The following HOXB9 variants were observed in gnomAD, a reference collection of about 807,000 sequenced individuals.
The protein encoded by HOXB9 is homeobox protein Hox-B9.
In HOXB9, 10 loss-of-function variants were observed where a neutral mutation model predicts 21.5. The ratio of observed to expected loss-of-function variants is 0.47; its 90% CI spans 0.29 to 0.79. HOXB9 has a LOEUF of 0.79. HOXB9 is among the 30% of genes least tolerant of loss of function. HOXB9 has a pLI of 0.10. For synonymous variants in HOXB9, 156 were observed against 151.2 expected, an observed-to-expected ratio of 1.03 and a Z score of -0.23; for missense variants, 375 against 338.7, an observed-to-expected ratio of 1.11 and a Z score of -0.84.
At chr17:48,625,183 C>A (rs761234755) in intron 1 of HOXB9, among the ~76,000 whole-genome samples, 3 of 152,286 alleles carry the variant, frequency 2.0e-5, no homozygotes, top group Non-Finnish European at 4.4e-5. Flanking sequence ...GCGGACTCTG[C>A]GCGGCTACAG....
chr17:48,625,733 C>T lies in HOXB9; in HGVS notation c.517+20G>A, dbSNP rs201721789. On this transcript the variant is annotated intron_variant, in intron 1 of 1. Transcript: ENST00000311177. Reference sequence around the variant, plus strand: ...CTCCTGGCCTTCGGCCTGGGTATTTCCTCACTTTTTATAACTTACTTTGAT... The same window carrying T: ...CTCCTGGCCTTCGGCCTGGGTATTTTCTCACTTTTTATAACTTACTTTGAT... 1,005 of 1,504,880 alleles carry T rather than the reference C, an allele frequency of 6.7e-4. 1 individual carries two copies. The highest frequency in any genetic ancestry group is 8.8e-4 in the Middle Eastern group (4 of 4,570). 93.2% of individuals were successfully genotyped at this position (1,504,880 alleles called of 1,614,324 possible).
In HOXB9 at chr17:48,622,858, G is replaced by A. The variant is rs925360597; in HGVS notation, c.*42C>T. 1 of 1,432,046 alleles carries A rather than the reference G, an allele frequency of 7.0e-7. No homozygotes were observed. The highest frequency in any genetic ancestry group is 9.8e-7 in the Non-Finnish European group (1 of 1,019,196). 88.7% of individuals were successfully genotyped at this position (1,432,046 alleles called of 1,614,324 possible). A position where few individuals can be genotyped will look rare whatever the true frequency, so the allele number is the denominator to read the frequency against. On this transcript the variant is annotated 3_prime_UTR_variant, in exon 2 of 2. Transcript: ENST00000311177. ...GCAGTCGTCACATAACTAAGAGTGA[G>A]ATGGGGAAGAGCTAGGGAGGACTGG...
At chr17:48,625,395 C>G (rs1291080096) in intron 1 of HOXB9, among the ~76,000 whole-genome samples, 1 of 152,186 alleles carries the variant, frequency 6.6e-6, no homozygotes, top group Admixed American at 6.5e-5. Flanking sequence ...CCGCTGGCCC[C>G]GGCCCCCGCC....
intron 1 of HOXB9, among the ~76,000 whole-genome samples, chr17:48,625,074 G>T (rs879699998): frequency 6.6e-6 from 1 of 152,258 alleles, no homozygotes. Flanking sequence ...GGAGGAGAGG[G>T]GCCACCGGAG....
Position 48,622,537 on chromosome 17 carries a change from G to C in HOXB9, c.*363C>G, listed in dbSNP as rs2070778888. 1 of 222,560 alleles carries C rather than the reference G, an allele frequency of 4.5e-6. No individual in the cohort carries two copies. The highest frequency in any genetic ancestry group is 8.9e-6 in the Non-Finnish European group (1 of 112,058). 13.8% of individuals were successfully genotyped at this position (222,560 alleles called of 1,614,324 possible). Reference sequence around the variant, plus strand: ...TTGGAGTGTCCCTGGGTGACTTTTGGGTGGGTGTAGAGAAGAAACAGGCAA... The same window carrying C: ...TTGGAGTGTCCCTGGGTGACTTTTGCGTGGGTGTAGAGAAGAAACAGGCAA... On this transcript the variant is annotated 3_prime_UTR_variant, in exon 2 of 2. Coordinates refer to ENST00000311177, the MANE Select transcript of HOXB9 (RefSeq NM_024017.5).
chr17:48,625,976 C>G lies in HOXB9; in HGVS notation c.294G>C (p.Trp98Cys), dbSNP rs2070811638. ...PPAESRYLRT[W>C]LEPAPRGEAA... The stretch of plus-strand genomic sequence containing the variant: ...CTTCGCCGCGCGGCGCCGGCTCCAG[C>G]CAGGTGCGGAGGTACCTGCTCTCGG... Residue 98 changes from tryptophan (W) to cysteine (C), a missense_variant, in exon 1 of 2, where the codon TGG becomes TGC. Trp to Cys is a radical substitution (Grantham distance 215, BLOSUM62 -2). Coordinates refer to ENST00000311177, the MANE Select transcript of HOXB9 (RefSeq NM_024017.5). 13 of 1,513,998 alleles carry G rather than the reference C, an allele frequency of 8.6e-6. No individual in the cohort carries two copies. Among genetic ancestry groups the G allele is most frequent in the Non-Finnish European group, 1.1e-5 (13 of 1,140,110 alleles). The allele number at this position is 1,513,998 out of a possible 1,614,324, so 93.8% of individuals were successfully genotyped here.
Position 48,626,271 on chromosome 17 carries a change from C to T in HOXB9, c.-2G>A. On this transcript the variant is annotated 5_prime_UTR_variant, in exon 1 of 2. Transcript: ENST00000311177. The stretch of plus-strand genomic sequence containing the variant: ...GCTAAGCGTCCCAGAAATGGACATT[C>T]TCAGACATTATCCGGGCGCTTGCAG... 6.3e-7 allele frequency: 1 copy of T among 1,582,912 alleles called. No homozygotes were observed. The highest frequency in any genetic ancestry group is 1.1e-5 in the South Asian group (1 of 90,252).
Position 48,626,033 on chromosome 17 carries a change from G to A in HOXB9, c.237C>T (p.His79=), listed in dbSNP as rs1393627658. ...HASGSLPSVY[H]PYIQPQGVPP... is the part of the protein sequence containing the mutation. Reference sequence around the variant, plus strand: ...GGACGCCCTGGGGCTGGATGTAAGGGTGGTAGACGGACGGCAGGCTCCCGG... The same window carrying A: ...GGACGCCCTGGGGCTGGATGTAAGGATGGTAGACGGACGGCAGGCTCCCGG... The change falls in exon 1 of 2, where the codon CAC becomes CAT. Residue 79 remains histidine, a synonymous_variant. Transcript: ENST00000311177. 1 of 1,578,258 alleles carries A rather than the reference G, an allele frequency of 6.3e-7. No homozygotes were observed. The highest frequency in any genetic ancestry group is 1.3e-5 in the African/African-American group (1 of 74,850).
In HOXB9 at chr17:48,622,990, G is replaced by A. The variant is rs150997786; in HGVS notation, c.663C>T (p.Leu221=). 15,046 of 1,614,220 alleles carry A rather than the reference G, an allele frequency of 9.3e-3. 84 individuals are homozygous for A. The highest frequency in any genetic ancestry group is 0.011 in the Non-Finnish European group (13,443 of 1,180,026). ...TRDRRHEVAR[L]LNLSERQVKI... is the part of the protein sequence containing the mutation. ...TGACTTGTCTCTCACTCAGATTGAG[G>A]AGTCTGGCCACTTCGTGCCTACGGT... Residue 221 remains leucine (L), a synonymous_variant, in exon 2 of 2, where the codon CTC becomes CTT. Transcript: ENST00000311177.
chr17:48,624,848 G>C (rs557155396), intron 1 of HOXB9, among the ~76,000 whole-genome samples: 1 of 152,128 alleles, frequency 6.6e-6, no homozygotes, highest in African/African-American at 2.4e-5. Context: ...GGAGGTGACG[G>C]GAAACTACCC....
At chr17:48,623,719 C>G (rs567040792) in intron 1 of HOXB9, among the ~76,000 whole-genome samples, 2 of 152,206 alleles carry the variant, frequency 1.3e-5, no homozygotes, top group African/African-American at 2.4e-5. Context: ...ATCTCCCCCC[C>G]TGCCACCACC....
At chr17:48,623,385 C>T (rs1326749401) in intron 1 of HOXB9, among the ~76,000 whole-genome samples, 2 of 152,230 alleles carry the variant, frequency 1.3e-5, no homozygotes, top group African/African-American at 4.8e-5. Flanking sequence ...GCTCTGCCTA[C>T]ATCAAGTTCC....
chr17:48,623,830 G>C (rs769406504), intron 1 of HOXB9, among the ~76,000 whole-genome samples: 1 of 152,200 alleles, frequency 6.6e-6, no homozygotes, highest in Non-Finnish European at 1.5e-5. Flanking sequence ...CCAGCTTATG[G>C]ACAGGGGAGC....
Position 48,621,224 on chromosome 17 carries a change from C to G in HOXB9, c.*1676G>C. ...TTTCTTCCAAAACAAACAATTAGAG[C>G]TCTAGGCCCCTCGCCCTCCCCACTC... On this transcript the variant is annotated 3_prime_UTR_variant, in exon 2 of 2. Coordinates refer to ENST00000311177, the MANE Select transcript of HOXB9 (RefSeq NM_024017.5). 6.6e-6 allele frequency: 1 copy of G among 152,398 alleles called. No homozygotes were observed. 9.4% of individuals were successfully genotyped at this position (152,398 alleles called of 1,614,324 possible).
chr17:48,625,609 T>G, intron 1 of HOXB9, 144 bp downstream of exon 1: 1 of 1,007,426 alleles, frequency 9.9e-7, no homozygotes, highest in Non-Finnish European at 1.4e-6. Flanking sequence ...CCTCCGTCTT[T>G]CCTTCCTCTC....
At position 48,622,985 on chromosome 17, in the gene HOXB9, T is replaced by C. The variant is rs371975094; in HGVS notation, c.668A>G (p.Asn223Ser). The C allele has an allele frequency of 5.6e-6, 9 of 1,614,252 alleles. No homozygotes were observed. Among genetic ancestry groups the C allele is most frequent in the South Asian group, 2.2e-5 (2 of 91,090 alleles). ...DRRHEVARLL[N>S]LSERQVKIWF... ...GATTTTGACTTGTCTCTCACTCAGA[T>C]TGAGGAGTCTGGCCACTTCGTGCCT... is the stretch of plus-strand genomic sequence containing the variant. The change falls in exon 2 of 2, where the codon AAT (asparagine) becomes AGT (serine). Residue 223 changes from asparagine (N) to serine (S), a missense_variant. Transcript: ENST00000311177.
intron 1 of HOXB9, 124 bp from the exon 2 acceptor site, chr17:48,623,259 G>T: frequency 1.4e-6 from 1 of 703,324 alleles, no homozygotes; most frequent in Non-Finnish European, 2.4e-6. Flanking sequence ...GGGTCTTCAA[G>T]CTCCCAGGAA....
rs759632037 is a variant in HOXB9, at chr17:48,622,877, G to A, written c.*23C>T. 2 of 1,546,284 alleles carry A rather than the reference G, an allele frequency of 1.3e-6. No homozygotes were observed. Among genetic ancestry groups the A allele is most frequent in the African/African-American group, 1.4e-5 (1 of 73,464 alleles). On this transcript the variant is annotated 3_prime_UTR_variant, in exon 2 of 2. Coordinates refer to ENST00000311177, the MANE Select transcript of HOXB9 (RefSeq NM_024017.5). ...GAGTGAGATGGGGAAGAGCTAGGGA[G>A]GACTGGGGGTAATCTTTAATCTTTA...
chr17:48,624,688 G>T (rs1275341848), intron 1 of HOXB9, among the ~76,000 whole-genome samples: 2 of 152,090 alleles, frequency 1.3e-5, no homozygotes, highest in Non-Finnish European at 2.9e-5. Context: ...CCACCAGCCT[G>T]CGAGTCATTG....
Sources: allele counts gnomAD v4.1 joint callset (sites outside exome capture counted in the v4.1 genomes callset), GRCh38; gene constraint gnomAD v4.1.1; transcripts MANE v1.5; gene names NCBI Gene and HGNC (gene_info 2026-07-23, HGNC 2026-07-21).